ERI2: variants seen among roughly 807,000 people sequenced by gnomAD.
ERI2 encodes the protein ERI1 exoribonuclease 2.
ERI2 carries 35 observed loss-of-function variants against 46.8 expected under a neutral mutation model. That is an observed-to-expected ratio of 0.75 (90% CI 0.57 to 0.99). The LOEUF is 0.99. Among genes scored for constraint, ERI2 ranks in the 50% least tolerant of loss-of-function variants. The pLI, the probability that ERI2 is intolerant of heterozygous loss-of-function variation, is 0.00. For synonymous variants in ERI2, 224 were observed against 271.0 expected, an observed-to-expected ratio of 0.83 and a Z score of 1.70; for missense variants, 695 against 796.2, an observed-to-expected ratio of 0.87 and a Z score of 1.53.
chr16:20,788,325 C>A (rs574985187), intron 10 of ERI2, among the ~76,000 whole-genome samples: 1 of 152,274 alleles, frequency 6.6e-6, no homozygotes, highest in East Asian at 1.9e-4. Context: ...CAATTCCCAA[C>A]ATGCATGGCT....
downstream of ERI2, among the ~76,000 whole-genome samples, chr16:20,795,280 C>A (rs2080698879): frequency 6.6e-6 from 1 of 152,164 alleles, no homozygotes; most frequent in Admixed American, 6.5e-5. Context: ...CTCGGCCTCC[C>A]AAATGTTGGC....
At chr16:20,785,739 T>G (rs925844592) in intron 10 of ERI2, among the ~76,000 whole-genome samples, 7 of 152,250 alleles carry the variant, frequency 4.6e-5, no homozygotes, top group Middle Eastern at 3.4e-3. Context: ...ACCATGAGAA[T>G]GTATCACCTG....
At chr16:20,806,058 C>G (rs2080864989) in intron 1 of ERI2, 4 of 1,216,228 alleles carry the variant, frequency 3.3e-6, no homozygotes, top group Non-Finnish European at 3.1e-6. Flanking sequence ...TTGACAGATT[C>G]AGTGTGTGGC....
intron 10 of ERI2, chr16:20,786,157 AG>A (rs1410824739): frequency 1.2e-6 from 2 of 1,609,238 alleles, no homozygotes; most frequent in African/African-American, 2.7e-5. Flanking sequence ...TTCGATGTTA[AG>A]GTTTGCACAT....
downstream of ERI2, among the ~76,000 whole-genome samples, chr16:20,795,047 A>G (rs1201753564): frequency 6.6e-6 from 1 of 152,274 alleles, no homozygotes; most frequent in Non-Finnish European, 1.5e-5. Context: ...ATGTTAATGC[A>G]GCAGAGCTAG....
Position 20,799,087 on chromosome 16 carries a change from T to C in ERI2, c.733-20A>G, listed in dbSNP as rs1340525813. 4.7e-6 allele frequency: 7 copies of C among 1,488,502 alleles called. No individual in the cohort carries two copies. The highest frequency in any genetic ancestry group is 6.2e-6 in the Non-Finnish European group (7 of 1,123,842). 92.2% of individuals were successfully genotyped at this position (1,488,502 alleles called of 1,614,324 possible). On this transcript the variant is annotated intron_variant, in intron 8 of 8. Transcript: ENST00000357967. ...GGGAACCTATGATTCCACAGACAAATGCAACAGCTTTAGAAACTGTGCATT... is the reference window on the plus strand; with the variant it reads ...GGGAACCTATGATTCCACAGACAAACGCAACAGCTTTAGAAACTGTGCATT...
At chr16:20,796,229 G>A (rs1403298244), downstream of ERI2, 5 of 1,387,290 alleles carry the variant, frequency 3.6e-6, no homozygotes, top group South Asian at 3.0e-5. Context: ...TGGCTTAAGA[G>A]CACAGAGCTG....
chr16:20,801,540 T>G (rs967051589), intron 4 of ERI2, among the ~76,000 whole-genome samples, 181 bp from the exon 5 acceptor site: 1 of 152,156 alleles, frequency 6.6e-6, no homozygotes, highest in Non-Finnish European at 1.5e-5. Flanking sequence ...GTTTATTTAG[T>G]GGAAAGAGGT....
In ERI2 at chr16:20,803,598, C is replaced by T. The variant is rs1179848786; in HGVS notation, c.91+5G>A. On this transcript the variant is annotated splice_donor_5th_base_variant and intron_variant, in intron 2 of 8. Transcript: ENST00000357967. Reference sequence around the variant, plus strand: ...AAATGCAAAGAAACTAAGCATACTACTCACTGGATTTGCTTCTTCCGAGAT... The same window carrying T: ...AAATGCAAAGAAACTAAGCATACTATTCACTGGATTTGCTTCTTCCGAGAT... 6.2e-7 allele frequency: 1 copy of T among 1,614,134 alleles called. No homozygotes were observed. Among genetic ancestry groups the T allele is most frequent in the South Asian group, 1.1e-5 (1 of 91,064 alleles).
At chr16:20,801,978 C>T (rs2080800641) in intron 4 of ERI2, among the ~76,000 whole-genome samples, 1 of 149,854 alleles carries the variant, frequency 6.7e-6, no homozygotes, top group South Asian at 2.2e-4. Context: ...AGGCTGGTCT[C>T]GAACTCCTGA....
intron 1 of ERI2, among the ~76,000 whole-genome samples, chr16:20,805,397 C>T (rs1471288394): frequency 6.7e-6 from 1 of 149,142 alleles, no homozygotes; most frequent in Admixed American, 6.8e-5. Context: ...TGCACTCTAG[C>T]CTAGGCAACA....
chr16:20,803,754 G>T, intron 1 of ERI2, 84 bp from the exon 2 acceptor site: 1 of 1,467,898 alleles, frequency 6.8e-7, no homozygotes, highest in Non-Finnish European at 9.4e-7. Context: ...ATGGTACTGG[G>T]CAACAATCTC....
At chr16:20,780,765 G>A in intron 10 of ERI2, 1 of 1,614,166 alleles carries the variant, frequency 6.2e-7, no homozygotes, top group Non-Finnish European at 8.5e-7. Flanking sequence ...ATGAGATCAT[G>A]GCCATATTCT....
At chr16:20,791,430 GA>G (rs1364584100), downstream of ERI2, among the ~76,000 whole-genome samples, 33 of 152,138 alleles carry the variant, frequency 2.2e-4, no homozygotes, top group Non-Finnish European at 3.4e-4. Context: ...TTACTCCTCT[GA>G]GCTACTGCAA....
intron 10 of ERI2, among the ~76,000 whole-genome samples, chr16:20,789,078 A>C (rs1019384063): frequency 2.6e-5 from 4 of 152,358 alleles, no homozygotes; most frequent in Admixed American, 2.0e-4. Flanking sequence ...AACAGCTAAA[A>C]GTCATTTAGA....
Position 20,790,435 on chromosome 16 carries a change from T to C in ERI2, c.815+415A>G. 2.9e-6 allele frequency: 2 copies of C among 692,290 alleles called. No homozygotes were observed. Among genetic ancestry groups the C allele is most frequent in the Non-Finnish European group, 2.5e-6 (1 of 405,180 alleles). The allele number at this position is 692,290 out of a possible 1,614,324, so 42.9% of individuals were successfully genotyped here. A position where few individuals can be genotyped will look rare whatever the true frequency, so the allele number is the denominator to read the frequency against. ...TTGCACCACTGCACTCCAGCCTGGG[T>C]GACAAAGTGAGACCTTGTCTCACAC... On this transcript the variant is annotated intron_variant, in intron 9 of 10. Transcript: ENST00000300005. The surrounding 1 kb of genome is among the most constrained non-coding windows in gnomAD (Gnocchi z 4.0).
At chr16:20,789,662 A>C in intron 9 of ERI2, 1 of 684,006 alleles carries the variant, frequency 1.5e-6, no homozygotes, top group Non-Finnish European at 2.6e-6. Flanking sequence ...AAAACTGTAT[A>C]TTATAAAGCA....
In ERI2 at chr16:20,806,416, C is replaced by G. The variant is rs1241890399; in HGVS notation, c.15G>C (p.Arg5=). 4 of 1,552,832 alleles carry G rather than the reference C, an allele frequency of 2.6e-6. No homozygotes were observed. The East Asian group carries it at 7.3e-5, about 28-fold the overall frequency. MATK[R]LARQLGLIRR... ...GGAACTCCCTCGAGTACCGCGCGAG[C>G]CGCTTGGTCGCCATTCCCGACACTC... The change falls in exon 1 of 9, where the codon CGG becomes CGC. Residue 5 remains arginine, a synonymous_variant. Coordinates refer to ENST00000357967, the MANE Select transcript of ERI2 (RefSeq NM_001142725.2).
chr16:20,796,453 TA>T lies in ERI2; in HGVS notation c.*1270del. 1 of 1,613,744 alleles carries T rather than the reference TA, an allele frequency of 6.2e-7. No homozygotes were observed. The highest frequency in any genetic ancestry group is 8.5e-7 in the Non-Finnish European group (1 of 1,179,916). On this transcript the variant is annotated 3_prime_UTR_variant, in exon 9 of 9. Transcript: ENST00000357967. ...TAATAAAGGAGATTCAGGAGCATGTTAAAAAAACTACAGCACCTTACAAATA... is the reference window on the plus strand; with the variant it reads ...TAATAAAGGAGATTCAGGAGCATGTTAAAAAACTACAGCACCTTACAAATA...
Sources: gnomAD v4.1 joint callset for allele counts (sites outside exome capture counted in the v4.1 genomes callset) on GRCh38, gnomAD v4.1.1 for gene constraint, Gnocchi (gnomAD v3.1) non-coding constraint, MANE v1.5 for transcripts, NCBI Gene and HGNC (gene_info 2026-07-23, HGNC 2026-07-21) for gene names.